ARCN1: variants seen among roughly 807,000 people sequenced by gnomAD.
ARCN1 encodes the protein archain 1 coat protein complex I subunit delta.
ARCN1 carries 5 observed loss-of-function variants against 60.4 expected under a neutral mutation model. That is an observed-to-expected ratio of 0.08 (90% CI 0.04 to 0.17). The LOEUF is 0.17. ARCN1 is among the 10% of genes least tolerant of loss of function. The pLI, the probability that ARCN1 is intolerant of heterozygous loss-of-function variation, is 1.00. For synonymous variants in ARCN1, 224 were observed against 220.0 expected, an observed-to-expected ratio of 1.02 and a Z score of -0.16; for missense variants, 464 against 626.5, an observed-to-expected ratio of 0.74 and a Z score of 2.77.
chr11:118,587,305 CAG>C lies in ARCN1; in HGVS notation c.818+2664_818+2665del, dbSNP rs572835845. On this transcript the variant is annotated intron_variant, in intron 5 of 9. Coordinates refer to ENST00000264028, the MANE Select transcript of ARCN1 (RefSeq NM_001655.5). Reference sequence around the variant, plus strand: ...TCATTTTGGAGACAACTAGTATTAACAGAGTTTTTTGTGTATCCTTCTAAGGG... The same window carrying C: ...TCATTTTGGAGACAACTAGTATTAACAGTTTTTTGTGTATCCTTCTAAGGG... 2.0e-4 allele frequency among the ~76,000 whole-genome samples: 30 copies of C among 152,302 alleles called. No individual in the cohort carries two copies. In the South Asian group the frequency reaches 4.6e-3, roughly 23 times the overall value.
At position 118,572,772 on chromosome 11, in the gene ARCN1, C is replaced by T. The variant is rs782033043; in HGVS notation, c.3+222C>T. On this transcript the variant is annotated intron_variant, in intron 1 of 9. Coordinates refer to ENST00000264028, the MANE Select transcript of ARCN1 (RefSeq NM_001655.5). Reference sequence around the variant, plus strand: ...TGTCGTCGTGCCCGCTTCCGCACCACCCCCCAACCAGCTGGACTCCCTCGT... The same window carrying T: ...TGTCGTCGTGCCCGCTTCCGCACCATCCCCCAACCAGCTGGACTCCCTCGT... The T allele has an allele frequency of 1.9e-4, 92 of 484,822 alleles. No homozygotes were observed. In the East Asian group the frequency reaches 2.3e-3, roughly 12 times the overall value. The allele number at this position is 484,822 out of a possible 1,614,324, so 30.0% of individuals were successfully genotyped here.
chr11:118,576,317 C>T (rs1366367545), intron 1 of ARCN1, among the ~76,000 whole-genome samples: 5 of 147,084 alleles, frequency 3.4e-5, no homozygotes, highest in African/African-American at 1.3e-4. Context: ...TTTTTTTAAC[C>T]GTCCTGGAGA....
At chr11:118,583,393 A>G (rs782420179) in intron 3 of ARCN1, 35 bp downstream of exon 3, 2 of 1,566,724 alleles carry the variant, frequency 1.3e-6, no homozygotes, top group South Asian at 2.4e-5. Flanking sequence ...ACCTGTTTGT[A>G]TGTCTTTCTC....
chr11:118,575,971 G>A (rs888110684), intron 1 of ARCN1, among the ~76,000 whole-genome samples: 7 of 139,834 alleles, frequency 5.0e-5, no homozygotes, highest in East Asian at 5.3e-4. Context: ...TGTCACTGTA[G>A]TTGTTTTTTT....
At chr11:118,598,556 G>A (rs1053307739) in intron 9 of ARCN1, among the ~76,000 whole-genome samples, 28 of 144,658 alleles carry the variant, frequency 1.9e-4, no homozygotes, top group African/African-American at 3.6e-4. Flanking sequence ...GTGCAATGGC[G>A]CGCTGTCAGC....
chr11:118,600,486 A>G, intron 9 of ARCN1, 139 bp from the exon 10 acceptor site: 1 of 565,044 alleles, frequency 1.8e-6, no homozygotes, highest in Admixed American at 2.9e-5. Flanking sequence ...TCAGTTGTGA[A>G]TTGAACATTT....
intron 6 of ARCN1, among the ~76,000 whole-genome samples, chr11:118,591,657 T>C (rs1337305073): frequency 1.3e-5 from 2 of 151,860 alleles, no homozygotes; most frequent in African/African-American, 2.4e-5. Flanking sequence ...TCCCAAAGTG[T>C]TGGGATTGTA....
chr11:118,598,736 C>A (rs1488705167), intron 9 of ARCN1, among the ~76,000 whole-genome samples: 1 of 151,784 alleles, frequency 6.6e-6, no homozygotes, highest in African/African-American at 2.4e-5. Context: ...CTCAGGTGAT[C>A]TACCCGCCTC....
intron 7 of ARCN1, 29 bp downstream of exon 7, chr11:118,592,885 C>G: frequency 6.3e-7 from 1 of 1,597,874 alleles, no homozygotes; most frequent in Non-Finnish European, 8.5e-7. Context: ...TCCCACTAAG[C>G]TAGTTTGCAT....
At position 118,600,687 on chromosome 11, in the gene ARCN1, C is replaced by T. The variant is rs199940295; in HGVS notation, c.1509C>T (p.Phe503=). ...SPVRFSTETT[F]LVDKYEIL ...TCAGGTTTTCCACAGAGACCACTTT[C>T]CTAGTGGATAAGTATGAAATTCTGT... Residue 503 remains phenylalanine (F), a synonymous_variant, in exon 10 of 10, where the codon TTC becomes TTT. Transcript: ENST00000264028. 1.7e-5 allele frequency: 28 copies of T among 1,611,608 alleles called. No individual in the cohort carries two copies. In the Middle Eastern group the frequency reaches 6.6e-4, roughly 38 times the overall value.
chr11:118,577,049 T>C (rs564423145), intron 1 of ARCN1, among the ~76,000 whole-genome samples: 1 of 151,988 alleles, frequency 6.6e-6, no homozygotes, highest in Non-Finnish European at 1.5e-5. Context: ...TAGCCAGGTG[T>C]GGTGGCCTGT....
At chr11:118,585,586 C>A (rs1156513605) in intron 5 of ARCN1, among the ~76,000 whole-genome samples, 1 of 152,112 alleles carries the variant, frequency 6.6e-6, no homozygotes, top group Non-Finnish European at 1.5e-5. Flanking sequence ...GTCACCCAGG[C>A]TGGAGTACAG....
At position 118,584,778 on chromosome 11, in the gene ARCN1, C is replaced by T. The variant is rs1555075237; in HGVS notation, c.818+134C>T. On this transcript the variant is annotated intron_variant, in intron 5 of 9. Transcript: ENST00000264028. ...CCTGATTTAAAAGATTTATTCAGAG[C>T]AGATTCTACATATTAACATAAGATC... The T allele has an allele frequency of 4.8e-6, 4 of 836,208 alleles. No individual in the cohort carries two copies. The African/African-American group carries it at 7.2e-5, about 15-fold the overall frequency. The allele number at this position is 836,208 out of a possible 1,614,324, so 51.8% of individuals were successfully genotyped here.
At chr11:118,575,974 G>GT (rs150069695) in intron 1 of ARCN1, among the ~76,000 whole-genome samples, 9,343 of 143,118 alleles carry the variant, frequency 0.065, 933 homozygotes, top group African/African-American at 0.22. Context: ...CACTGTAGTT[G>GT]TTTTTTTTTT....
chr11:118,581,626 A>G, intron 2 of ARCN1, 117 bp downstream of exon 2: 1 of 1,006,264 alleles, frequency 9.9e-7, no homozygotes, highest in Non-Finnish European at 1.4e-6. Flanking sequence ...TCCGCACCCC[A>G]GCGACTTATT....
At chr11:118,579,117 C>T (rs1477621145) in intron 1 of ARCN1, among the ~76,000 whole-genome samples, 21 of 151,602 alleles carry the variant, frequency 1.4e-4, no homozygotes, top group African/African-American at 4.9e-4. Flanking sequence ...GGAAAAGAAA[C>T]GAGGTTAAGA....
At chr11:118,590,617 A>G (rs1418050800) in intron 6 of ARCN1, 111 bp downstream of exon 6, 1 of 1,128,366 alleles carries the variant, frequency 8.9e-7, no homozygotes, top group Non-Finnish European at 1.3e-6. Flanking sequence ...TTATATAACT[A>G]GCATCACTCT....
chr11:118,589,094 A>G (rs1462503492), intron 5 of ARCN1, among the ~76,000 whole-genome samples: 19 of 152,244 alleles, frequency 1.2e-4, no homozygotes, highest in African/African-American at 4.1e-4. Flanking sequence ...GTGATTGATT[A>G]TGTAAGAGAA....
chr11:118,576,718 T>C (rs1462255707), intron 1 of ARCN1, among the ~76,000 whole-genome samples: 3 of 152,182 alleles, frequency 2.0e-5, no homozygotes, highest in Admixed American at 2.0e-4. Context: ...GTCAACTGCC[T>C]GGAACCTGTA....
Sources: allele counts gnomAD v4.1 joint callset (sites outside exome capture counted in the v4.1 genomes callset), GRCh38; gene constraint gnomAD v4.1.1; transcripts MANE v1.5; gene names NCBI Gene and HGNC (gene_info 2026-07-23, HGNC 2026-07-21).